STOX2: variants seen among roughly 807,000 people sequenced by gnomAD.
STOX2 encodes the protein storkhead-box protein 2.
Under a neutral mutation model 60.9 loss-of-function variants are expected in STOX2, and 28 were observed. The ratio of observed to expected loss-of-function variants is 0.46; its 90% CI spans 0.34 to 0.63. The LOEUF is 0.63. Among genes scored for constraint, STOX2 ranks in the 30% least tolerant of loss-of-function variants. The pLI, the probability that STOX2 is intolerant of heterozygous loss-of-function variation, is 0.01. For synonymous variants in STOX2, 472 were observed against 463.9 expected (o/e 1.02, Z -0.22); for missense variants, 1,024 against 1,187.7 (o/e 0.86, Z 2.03).
At position 184,007,033 on chromosome 4, in the gene STOX2, C is replaced by CA. The variant is rs869258990; in HGVS notation, c.320-2121dup. 7.5e-5 allele frequency among the ~76,000 whole-genome samples: 5 copies of CA among 67,088 alleles called. 1 individual carries two copies. Among genetic ancestry groups the CA allele is most frequent in the East Asian group, 5.7e-4 (1 of 1,754 alleles). The allele number at this position is 67,088 out of a possible 152,430, so 44.0% of individuals were successfully genotyped here. ...TCTGTCTCAAAAAAAAAAAAAAAAA[C>CA]AAAACAAAAAAAAAATTTTGTTATT... On this transcript the variant is annotated intron_variant, in intron 2 of 3. Coordinates refer to ENST00000308497, the MANE Select transcript of STOX2 (RefSeq NM_020225.3).
At chr4:184,000,075 G>A (rs1299404650) in intron 1 of STOX2, among the ~76,000 whole-genome samples, 4 of 152,220 alleles carry the variant, frequency 2.6e-5, no homozygotes, top group African/African-American at 7.2e-5. Context: ...TCCTCCTCGT[G>A]TAGGACATCT....
At chr4:183,948,386 G>T (rs559833211) in intron 1 of STOX2, among the ~76,000 whole-genome samples, 1 of 151,848 alleles carries the variant, frequency 6.6e-6, no homozygotes, top group South Asian at 2.1e-4. Flanking sequence ...CTTAAAATTG[G>T]CAGGTGGAAT....
chr4:183,867,165 C>T (rs538244217), intron 1 of STOX2, among the ~76,000 whole-genome samples: 19 of 152,264 alleles, frequency 1.2e-4, no homozygotes, highest in South Asian at 6.2e-4. Flanking sequence ...GTGACATGTT[C>T]GCCCTCTCTA....
At chr4:183,951,832 A>G (rs997587969) in intron 1 of STOX2, among the ~76,000 whole-genome samples, 8 of 152,044 alleles carry the variant, frequency 5.3e-5, no homozygotes, top group African/African-American at 1.7e-4. Flanking sequence ...AGTTCCAGCT[A>G]CTCAGGAGGC....
chr4:183,951,988 C>G (rs1170559711), intron 1 of STOX2, among the ~76,000 whole-genome samples: 1 of 152,056 alleles, frequency 6.6e-6, no homozygotes, highest in Admixed American at 6.5e-5. Context: ...CTTCACTCTC[C>G]GATGCTCTCT....
At chr4:183,879,998 GT>G (rs370917270) in intron 1 of STOX2, among the ~76,000 whole-genome samples, 1 of 151,944 alleles carries the variant, frequency 6.6e-6, no homozygotes, top group Non-Finnish European at 1.5e-5. Context: ...TCTTTTTTCT[GT>G]TTTTTTAGAG....
chr4:183,851,402 G>A (rs1740132240), intron 1 of STOX2, among the ~76,000 whole-genome samples: 1 of 74,960 alleles, frequency 1.3e-5, no homozygotes, highest in African/African-American at 5.5e-5. Flanking sequence ...AGGATGAGAG[G>A]ATGAGAGAAA....
At chr4:183,881,434 G>A (rs918761844) in intron 1 of STOX2, among the ~76,000 whole-genome samples, 4 of 152,140 alleles carry the variant, frequency 2.6e-5, no homozygotes, top group African/African-American at 9.7e-5. Context: ...CCTGGGAGGC[G>A]GAGGTTGCAG....
chr4:183,948,540 C>CTATTTT (rs1742971133), intron 1 of STOX2, among the ~76,000 whole-genome samples: 2 of 78,182 alleles, frequency 2.6e-5, no homozygotes, highest in African/African-American at 4.7e-5. Flanking sequence ...ATGCCTTATC[C>CTATTTT]TTTTTTTTTT....
chr4:183,819,414 G>A (rs1025511502), intron 1 of STOX2, among the ~76,000 whole-genome samples: 6 of 151,828 alleles, frequency 4.0e-5, no homozygotes, highest in South Asian at 2.1e-4. Flanking sequence ...GCATGGCGGC[G>A]CGCGCCCACA....
rs1553967298 is a variant in STOX2 at position 183,841,179 on chromosome 4, G to GTATTTATT, written c.364+43160_364+43167dup. ...CACGCCCGGTTCAGTTTTCATCGTA[G>GTATTTATT]TATTTATTTATTTATTTATTTATTT... On this transcript the variant is annotated intron_variant, in intron 1 of 2. Transcript: ENST00000513034. 6.7e-3 allele frequency among the ~76,000 whole-genome samples: 990 copies of GTATTTATT among 147,958 alleles called. 10 individuals carry two copies. Among genetic ancestry groups the GTATTTATT allele is most frequent in the Admixed American group, 0.015 (218 of 14,898 alleles).
At chr4:183,892,596 G>A (rs1017273949) in intron 1 of STOX2, among the ~76,000 whole-genome samples, 5 of 152,194 alleles carry the variant, frequency 3.3e-5, no homozygotes, top group Non-Finnish European at 5.9e-5. Flanking sequence ...CACTCTTCTT[G>A]CATGCACGCT....
chr4:183,959,073 T>C (rs1211896464), intron 1 of STOX2, among the ~76,000 whole-genome samples: 1 of 152,138 alleles, frequency 6.6e-6, no homozygotes, highest in Non-Finnish European at 1.5e-5. Flanking sequence ...TCAGCATGTT[T>C]TTGATGTCTC....
rs186323563 is a variant in STOX2 at position 183,964,838 on chromosome 4, C to T, written c.167-36487C>T. Among the ~76,000 whole-genome samples, 26 of 152,290 alleles carry T rather than the reference C, an allele frequency of 1.7e-4. 1 individual carries two copies. In the East Asian group the frequency reaches 3.5e-3, roughly 20 times the overall value. On this transcript the variant is annotated intron_variant, in intron 1 of 3. Transcript: ENST00000308497. ...ACCCTAGGTGATTCACCCGCCTTGGCCTCCCAAAATGCTGGGATTACAGGC... is the reference window on the plus strand; with the variant it reads ...ACCCTAGGTGATTCACCCGCCTTGGTCTCCCAAAATGCTGGGATTACAGGC...
At chr4:183,950,008 A>G (rs1743021227) in intron 1 of STOX2, among the ~76,000 whole-genome samples, 2 of 152,190 alleles carry the variant, frequency 1.3e-5, no homozygotes, top group East Asian at 1.9e-4. Context: ...AAAGTCATAA[A>G]GTTTTCATTT....
intron 1 of STOX2, among the ~76,000 whole-genome samples, chr4:183,870,284 G>T (rs1275728623): frequency 6.6e-6 from 1 of 152,204 alleles, no homozygotes. Flanking sequence ...AAAAGTGTTT[G>T]TGTTCTAAGA....
At chr4:183,979,453 A>G (rs772720922) in intron 1 of STOX2, among the ~76,000 whole-genome samples, 2 of 152,146 alleles carry the variant, frequency 1.3e-5, no homozygotes, top group Non-Finnish European at 2.9e-5. Context: ...TATCACTGAT[A>G]TTCTTGTGAT....
At chr4:183,989,170 T>C (rs1046994551) in intron 1 of STOX2, among the ~76,000 whole-genome samples, 1 of 25,994 alleles carries the variant, frequency 3.8e-5, no homozygotes, top group East Asian at 1.0e-3. Context: ...TTTTTTCTGG[T>C]TTTTTTTTTT....
chr4:183,914,005 T>G (rs1258591389), intron 1 of STOX2, among the ~76,000 whole-genome samples: 1 of 152,232 alleles, frequency 6.6e-6, no homozygotes, highest in Non-Finnish European at 1.5e-5. Flanking sequence ...ATATTTTTTC[T>G]AATCCCTAGT....
Sources: gnomAD v4.1 joint callset for allele counts (sites outside exome capture counted in the v4.1 genomes callset) on GRCh38, gnomAD v4.1.1 for gene constraint, MANE v1.5 for transcripts, NCBI Gene and HGNC (gene_info 2026-07-23, HGNC 2026-07-21) for gene names.